ADAMTSL1: variants seen among roughly 807,000 people sequenced by gnomAD.
ADAMTSL1 encodes ADAMTS like 1.
A neutral mutation model predicts 201.8 loss-of-function variants in ADAMTSL1; 126 were observed. That is an observed-to-expected ratio of 0.62 (90% CI 0.54 to 0.72). The LOEUF is 0.72. Among genes scored for constraint, ADAMTSL1 ranks in the 30% least tolerant of loss-of-function variants. ADAMTSL1 has a pLI of 0.00. For missense variants in ADAMTSL1, 2,679 were observed against 2,277.8 expected, an observed-to-expected ratio of 1.18 and a Z score of -3.59; for synonymous variants, 1,121 against 903.4, an observed-to-expected ratio of 1.24 and a Z score of -4.32.
chr9:18,721,616 C>T lies in ADAMTSL1; in HGVS notation c.1957C>T (p.Arg653Trp), dbSNP rs1000877408. The change falls in exon 15 of 29, where the codon CGG becomes TGG. Residue 653 changes from arginine (R) to tryptophan (W), a missense_variant. Physicochemically the swap from Arg to Trp is moderately radical, Grantham distance 101 (BLOSUM62 -3). Coordinates refer to ENST00000380548, the MANE Select transcript of ADAMTSL1 (RefSeq NM_001040272.6). ...GGAGAACCTGTGCGTGACCAGCCGCCGGCCCCCACAGCTCCTGAAGTCCTG... is the reference window on the plus strand; with the variant it reads ...GGAGAACCTGTGCGTGACCAGCCGCTGGCCCCCACAGCTCCTGAAGTCCTG... ...AEENLCVTSR[R>W]PPQLLKSCNL... is the part of the protein sequence containing the mutation. 31 of 1,613,818 alleles carry T rather than the reference C, an allele frequency of 1.9e-5. No individual in the cohort carries two copies. The highest frequency in any genetic ancestry group is 2.2e-5 in the East Asian group (1 of 44,898).
At chr9:18,505,679 C>T (rs1823085140) in intron 2 of ADAMTSL1, among the ~76,000 whole-genome samples, 1 of 152,062 alleles carries the variant, frequency 6.6e-6, no homozygotes, top group African/African-American at 2.4e-5. Context: ...TATAAAGTAC[C>T]ATGGTAATAT....
chr9:18,291,933 A>G (rs16936537), intron 2 of ADAMTSL1, among the ~76,000 whole-genome samples: 4,290 of 152,182 alleles, frequency 0.028, 166 homozygotes, highest in African/African-American at 0.084. Flanking sequence ...TGTTCATGCA[A>G]CATCTCATCA....
intron 2 of ADAMTSL1, among the ~76,000 whole-genome samples, chr9:18,365,757 C>T (rs1159996201): frequency 6.6e-6 from 1 of 152,084 alleles, no homozygotes; most frequent in African/African-American, 2.4e-5. Flanking sequence ...TGGACTGGTA[C>T]CTATCTGTGG....
chr9:18,320,367 A>G (rs1834570106), intron 2 of ADAMTSL1, among the ~76,000 whole-genome samples: 1 of 152,230 alleles, frequency 6.6e-6, no homozygotes. Context: ...AATATCTTTA[A>G]AGTCCTGAGA....
At chr9:18,592,919 A>G (rs995535178) in intron 4 of ADAMTSL1, among the ~76,000 whole-genome samples, 6 of 152,098 alleles carry the variant, frequency 3.9e-5, no homozygotes, top group African/African-American at 1.4e-4. Flanking sequence ...TACAGTTTTC[A>G]TCATAGAGAT....
At chr9:18,396,906 CA>C (rs1349131241) in intron 2 of ADAMTSL1, among the ~76,000 whole-genome samples, 1 of 152,110 alleles carries the variant, frequency 6.6e-6, no homozygotes, top group Non-Finnish European at 1.5e-5. Flanking sequence ...AACCTTAGTA[CA>C]TTCCTAAATA....
At chr9:18,191,906 A>G (rs1239193965) in intron 2 of ADAMTSL1, among the ~76,000 whole-genome samples, 2 of 152,174 alleles carry the variant, frequency 1.3e-5, no homozygotes, top group Non-Finnish European at 2.9e-5. Flanking sequence ...AGGGATTCTT[A>G]GAATCTTGCA....
At chr9:18,880,941 C>T (rs530535292) in intron 23 of ADAMTSL1, among the ~76,000 whole-genome samples, 3 of 152,314 alleles carry the variant, frequency 2.0e-5, no homozygotes, top group South Asian at 4.1e-4. Flanking sequence ...CTTTAACTTG[C>T]ACTTTTATGT....
intron 1 of ADAMTSL1, among the ~76,000 whole-genome samples, chr9:18,010,177 C>G (rs550501453): frequency 6.6e-6 from 1 of 151,982 alleles, no homozygotes; most frequent in East Asian, 1.9e-4. Context: ...GAAACTGAAG[C>G]AGCTCTGAGA....
At chr9:18,303,139 T>C (rs1833769220) in intron 2 of ADAMTSL1, among the ~76,000 whole-genome samples, 9 of 152,132 alleles carry the variant, frequency 5.9e-5, no homozygotes. Context: ...TTAAAGAAAA[T>C]AATGGAAATA....
intron 2 of ADAMTSL1, among the ~76,000 whole-genome samples, chr9:18,203,980 G>A (rs1230613796): frequency 6.6e-6 from 1 of 152,156 alleles, no homozygotes; most frequent in Non-Finnish European, 1.5e-5. Flanking sequence ...GAGGGGAGAA[G>A]AAAGAAGCAG....
intron 23 of ADAMTSL1, among the ~76,000 whole-genome samples, chr9:18,834,849 A>G (rs994723959): frequency 6.6e-6 from 1 of 152,184 alleles, no homozygotes; most frequent in African/African-American, 2.4e-5. Flanking sequence ...TATATACTAC[A>G]GTTTGTTTAA....
At chr9:18,858,190 T>C (rs77497519) in intron 23 of ADAMTSL1, among the ~76,000 whole-genome samples, 1 of 117,154 alleles carries the variant, frequency 8.5e-6, no homozygotes, top group Non-Finnish European at 1.8e-5. Flanking sequence ...AGGATTTATT[T>C]TTTTCTTCTT....
At chr9:18,788,412 G>T (rs1033585565) in intron 19 of ADAMTSL1, among the ~76,000 whole-genome samples, 4 of 150,406 alleles carry the variant, frequency 2.7e-5, no homozygotes, top group Non-Finnish European at 1.5e-5. Context: ...CGAAAATGAG[G>T]CCAAACCATA....
chr9:17,931,156 C>T (rs531212250), intron 1 of ADAMTSL1, among the ~76,000 whole-genome samples: 36 of 152,276 alleles, frequency 2.4e-4, no homozygotes, highest in Non-Finnish European at 5.0e-4. Context: ...AACCGAGCTA[C>T]GACATCATGA....
At chr9:18,828,773 C>A (rs1056216972) in intron 22 of ADAMTSL1, among the ~76,000 whole-genome samples, 1 of 146,402 alleles carries the variant, frequency 6.8e-6, no homozygotes, top group Non-Finnish European at 1.5e-5. Flanking sequence ...TTTCTCTATA[C>A]AATGGTCTTT....
At chr9:18,736,477 G>A (rs6475240) in intron 15 of ADAMTSL1, among the ~76,000 whole-genome samples, 79,850 of 152,014 alleles carry the variant, frequency 0.53, 21,189 homozygotes, top group South Asian at 0.65. Flanking sequence ...AGTTGACAAT[G>A]TAACTGACCC....
At chr9:18,601,393 C>T (rs146099922) in intron 4 of ADAMTSL1, among the ~76,000 whole-genome samples, 7 of 152,328 alleles carry the variant, frequency 4.6e-5, no homozygotes, top group East Asian at 3.9e-4. Context: ...AGGTCCTCAG[C>T]TACAGGTGTG....
In ADAMTSL1 at chr9:18,892,651, G is replaced by C. The variant is rs1424738657; in HGVS notation, c.4851+55G>C. On this transcript the variant is annotated intron_variant, in intron 26 of 28. Transcript: ENST00000380548. ...AGCTAAATCTAAAGGAATGGACCCT[G>C]CCACAGTAGGAAGTGAAATGCTATC... The C allele has an allele frequency of 3.3e-6, 5 of 1,521,140 alleles. No homozygotes were observed. In the East Asian group the frequency reaches 1.2e-4, roughly 38 times the overall value. 94.2% of individuals were successfully genotyped at this position (1,521,140 alleles called of 1,614,324 possible).
Sources: gnomAD v4.1 joint callset for allele counts (sites outside exome capture counted in the v4.1 genomes callset) on GRCh38, gnomAD v4.1.1 for gene constraint, MANE v1.5 for transcripts, NCBI Gene and HGNC (gene_info 2026-07-23, HGNC 2026-07-21) for gene names.